RAB10: variants seen among roughly 807,000 people sequenced by gnomAD.
The protein encoded by RAB10 is RAB10, member RAS oncogene family.
A neutral mutation model predicts 25.7 loss-of-function variants in RAB10; 5 were observed. The observed-to-expected ratio is 0.19, with a 90% CI of 0.10 to 0.41. The LOEUF is 0.41. Among genes scored for constraint, RAB10 ranks in the 10% least tolerant of loss-of-function variants. The probability of loss-of-function intolerance (pLI) is 1.00; values close to 1 mark genes in which losing one functional copy is unlikely to be tolerated. For missense variants in RAB10, 103 were observed against 245.8 expected (o/e 0.42, Z 3.89); for synonymous variants, 89 against 86.4 (o/e 1.03, Z -0.16).
At chr2:26,109,708 T>G in intron 2 of RAB10, 60 bp from the exon 3 acceptor site, 1 of 1,437,848 alleles carries the variant, frequency 7.0e-7, no homozygotes, top group Non-Finnish European at 9.2e-7. Context: ...TGTTTTGTCC[T>G]TTATGTGAAA....
chr2:26,123,875 G>A (rs1335620914), intron 3 of RAB10, among the ~76,000 whole-genome samples: 2 of 152,018 alleles, frequency 1.3e-5, no homozygotes, highest in Non-Finnish European at 2.9e-5. Flanking sequence ...ATGTTTTTCC[G>A]TAAAGTTAAA....
intron 3 of RAB10, among the ~76,000 whole-genome samples, chr2:26,119,059 G>A (rs972378030): frequency 6.6e-6 from 1 of 152,160 alleles, no homozygotes; most frequent in Non-Finnish European, 1.5e-5. Context: ...GCTCAGCAGT[G>A]AAGTCTTTAA....
chr2:26,129,841 G>A (rs534363618), intron 5 of RAB10, among the ~76,000 whole-genome samples: 25 of 152,220 alleles, frequency 1.6e-4, no homozygotes, highest in Admixed American at 9.2e-4. Flanking sequence ...AATGAGAGAG[G>A]CTGACAGCAA....
At chr2:26,063,153 A>G (rs1418441977) in intron 1 of RAB10, among the ~76,000 whole-genome samples, 2 of 151,120 alleles carry the variant, frequency 1.3e-5, no homozygotes, top group African/African-American at 4.9e-5. Context: ...AGTTATTTTT[A>G]AAATCTAATG....
At chr2:26,116,858 T>C (rs1198788642) in intron 3 of RAB10, among the ~76,000 whole-genome samples, 1 of 151,772 alleles carries the variant, frequency 6.6e-6, no homozygotes, top group East Asian at 1.9e-4. Context: ...GCCCGGCCTT[T>C]TTTTTTTTCT....
intron 5 of RAB10, among the ~76,000 whole-genome samples, chr2:26,128,464 G>A (rs964812123): frequency 3.3e-5 from 5 of 152,120 alleles, no homozygotes; most frequent in Admixed American, 3.3e-4. Context: ...TCTAGTCAGT[G>A]GTAACCATTA....
At chr2:26,042,121 G>A (rs1251427530) in intron 1 of RAB10, among the ~76,000 whole-genome samples, 3 of 152,060 alleles carry the variant, frequency 2.0e-5, no homozygotes, top group African/African-American at 7.2e-5. Context: ...TACTGGATGT[G>A]CTACCTTTTG....
At chr2:26,129,126 T>G (rs1016019009) in intron 5 of RAB10, among the ~76,000 whole-genome samples, 1 of 151,782 alleles carries the variant, frequency 6.6e-6, no homozygotes, top group Non-Finnish European at 1.5e-5. Context: ...AAAAATTAGC[T>G]GGGTGTGGTG....
rs573222137 is a variant in RAB10, at chr2:26,115,980, C to T, written c.327+6074C>T. ...GTTTAAGTGATTCTTCTGCCTCAGC[C>T]TCCTGAGTAGCTGGGACTACAGGTG... On this transcript the variant is annotated intron_variant, in intron 3 of 5. Transcript: ENST00000264710. Among the ~76,000 whole-genome samples, 65 of 151,834 alleles carry T rather than the reference C, an allele frequency of 4.3e-4. 2 individuals carry two copies. The South Asian group carries it at 0.013, about 30-fold the overall frequency.
rs941383843 is a variant in RAB10, at chr2:26,104,057, G to A, written c.188+5335G>A. Among the ~76,000 whole-genome samples the A allele has an allele frequency of 2.4e-4, 36 of 152,154 alleles. 1 individual carries two copies. The highest frequency in any genetic ancestry group is 1.9e-3 in the South Asian group (9 of 4,832). ...TGTTGCTGTGAACATTCACGTCTAC[G>A]TTTTTGTGTGGACGTACAAGTTTTC... On this transcript the variant is annotated intron_variant, in intron 2 of 5. Transcript: ENST00000264710.
At position 26,136,573 on chromosome 2, in the gene RAB10, G is replaced by C. The variant is rs1456473997; in HGVS notation, c.*1552G>C. The C allele has an allele frequency of 6.6e-6, 1 of 152,570 alleles. No individual in the cohort carries two copies. Among genetic ancestry groups the C allele is most frequent in the African/African-American group, 2.4e-5 (1 of 41,424 alleles). The allele number at this position is 152,570 out of a possible 1,614,324, so 9.5% of individuals were successfully genotyped here. ...ATTGCTTATCATTAGGATAGGGTAA[G>C]TGAAGTTTGCTATGCTGCTAGCATC... On this transcript the variant is annotated 3_prime_UTR_variant, in exon 6 of 6. Coordinates refer to ENST00000264710, the MANE Select transcript of RAB10 (RefSeq NM_016131.5).
At chr2:26,067,764 G>A (rs1382399647) in intron 1 of RAB10, among the ~76,000 whole-genome samples, 1 of 152,226 alleles carries the variant, frequency 6.6e-6, no homozygotes, top group Non-Finnish European at 1.5e-5. Context: ...TACTGTGTAA[G>A]ACCTTGTCAG....
At chr2:26,073,728 T>G (rs566267673) in intron 1 of RAB10, among the ~76,000 whole-genome samples, 1 of 152,284 alleles carries the variant, frequency 6.6e-6, no homozygotes, top group African/African-American at 2.4e-5. Context: ...CACAGTTACC[T>G]TCCAATTCCT....
At chr2:26,049,160 T>C (rs1468046147) in intron 1 of RAB10, among the ~76,000 whole-genome samples, 1 of 151,574 alleles carries the variant, frequency 6.6e-6, no homozygotes, top group Non-Finnish European at 1.5e-5. Flanking sequence ...TTTTTGTATA[T>C]GGTGGGGGGT....
chr2:26,091,326 A>G (rs1667101807), intron 1 of RAB10, among the ~76,000 whole-genome samples: 1 of 152,194 alleles, frequency 6.6e-6, no homozygotes, highest in Non-Finnish European at 1.5e-5. Flanking sequence ...GGTGGGAAAC[A>G]TAGAGAAATA....
At chr2:26,098,106 TTTC>T (rs1667263341) in intron 1 of RAB10, among the ~76,000 whole-genome samples, 1 of 108,820 alleles carries the variant, frequency 9.2e-6, no homozygotes, top group East Asian at 3.3e-4. Context: ...TCTTTCTTTC[TTTC>T]TTTTTTTTTT....
At chr2:26,037,984 T>A (rs1665800277) in intron 1 of RAB10, among the ~76,000 whole-genome samples, 1 of 152,028 alleles carries the variant, frequency 6.6e-6, no homozygotes, top group Non-Finnish European at 1.5e-5. Flanking sequence ...CCTCCCAGGC[T>A]TAGGTGATTC....
intron 1 of RAB10, 127 bp from the exon 2 acceptor site, chr2:26,098,535 T>C: frequency 1.4e-6 from 1 of 699,704 alleles, no homozygotes; most frequent in Admixed American, 2.8e-5. Context: ...GTTGCATACT[T>C]GGTGAATATC....
rs10669615 is a variant in RAB10, at chr2:26,124,389, C to CTTTTTTTTTTTTTTTTT, written c.328-2743_328-2727dup. 1.6e-3 allele frequency among the ~76,000 whole-genome samples: 31 copies of CTTTTTTTTTTTTTTTTT among 19,678 alleles called. 13 individuals carry two copies. Among genetic ancestry groups the CTTTTTTTTTTTTTTTTT allele is most frequent in the East Asian group, 7.2e-3 (3 of 414 alleles). 12.9% of individuals were successfully genotyped at this position (19,678 alleles called of 152,430 possible). ...GTTGTTTTTCTTATTGTTGTTGTTG[C>CTTTTTTTTTTTTTTTTT]TTTTTTTTTTTTTTTTTTTTTTTTT... is the stretch of plus-strand genomic sequence containing the variant. On this transcript the variant is annotated intron_variant, in intron 3 of 5. Coordinates refer to ENST00000264710, the MANE Select transcript of RAB10 (RefSeq NM_016131.5).
Sources: gnomAD v4.1 joint callset for allele counts (sites outside exome capture counted in the v4.1 genomes callset) on GRCh38, gnomAD v4.1.1 for gene constraint, MANE v1.5 for transcripts, NCBI Gene and HGNC (gene_info 2026-07-23, HGNC 2026-07-21) for gene names.